MYO6: variants seen among roughly 807,000 people sequenced by gnomAD.
The protein encoded by MYO6 is myosin VI.
MYO6 carries 74 observed loss-of-function variants against 178.7 expected under a neutral mutation model. The observed-to-expected ratio is 0.41, with a 90% CI of 0.34 to 0.50. The LOEUF (loss-of-function observed/expected upper bound fraction) is 0.50, where lower values mean the gene tolerates loss of function less well. MYO6 is among the 20% of genes least tolerant of loss of function. The probability of loss-of-function intolerance (pLI) is 0.09; values close to 1 mark genes in which losing one functional copy is unlikely to be tolerated. For missense variants in MYO6, 1,330 were observed against 1,547.4 expected, an observed-to-expected ratio of 0.86 and a Z score of 2.36; for synonymous variants, 477 against 504.6, an observed-to-expected ratio of 0.95 and a Z score of 0.73.
rs1781125625 is a variant in MYO6, at chr6:75,916,490, A to G, written c.*1478A>G. ...TTGTGTCTGTGCTATTGAGAATGCA[A>G]ATGTGATTATCTTTTGAAGGCTGTA... On this transcript the variant is annotated 3_prime_UTR_variant, in exon 35 of 35. Transcript: ENST00000369977. 1 of 152,604 alleles carries G rather than the reference A, an allele frequency of 6.6e-6. No homozygotes were observed. The highest frequency in any genetic ancestry group is 6.6e-5 in the Admixed American group (1 of 15,266). The allele number at this position is 152,604 out of a possible 1,614,324, so 9.5% of individuals were successfully genotyped here.
chr6:75,796,106 T>C (rs1768787903), intron 1 of MYO6, among the ~76,000 whole-genome samples: 2 of 152,236 alleles, frequency 1.3e-5, no homozygotes, highest in African/African-American at 4.8e-5. Context: ...AATTATTTGC[T>C]ATTATCTGGT....
intron 1 of MYO6, among the ~76,000 whole-genome samples, chr6:75,816,969 T>G (rs987507240): frequency 1.2e-4 from 19 of 152,156 alleles, no homozygotes; most frequent in African/African-American, 4.3e-4. Context: ...GTAGAGCAGG[T>G]GTACCTGAGG....
intron 20 of MYO6, among the ~76,000 whole-genome samples, chr6:75,877,177 T>C (rs759638054): frequency 6.6e-6 from 1 of 152,106 alleles, no homozygotes; most frequent in Non-Finnish European, 1.5e-5. Context: ...GCTTTCTCCA[T>C]GTTGAGGCTG....
At chr6:75,840,396 C>G (rs1449870580) in intron 7 of MYO6, among the ~76,000 whole-genome samples, 189 bp from the exon 8 acceptor site, 1 of 151,950 alleles carries the variant, frequency 6.6e-6, no homozygotes, top group Non-Finnish European at 1.5e-5. Context: ...CTCCTGACCT[C>G]GTGATCCACC....
At chr6:75,901,015 C>T (rs1031262532) in intron 30 of MYO6, among the ~76,000 whole-genome samples, 5 of 151,532 alleles carry the variant, frequency 3.3e-5, no homozygotes, top group Admixed American at 1.3e-4. Context: ...GCTTGTTTTT[C>T]TCAGGTTTGT....
chr6:75,870,280 A>G (rs1392534771), intron 18 of MYO6, among the ~76,000 whole-genome samples: 2 of 152,220 alleles, frequency 1.3e-5, no homozygotes, highest in East Asian at 3.8e-4. Context: ...TGCCACATTC[A>G]AAGACTGTGC....
chr6:75,808,771 C>T (rs1770368874), intron 1 of MYO6, among the ~76,000 whole-genome samples: 2 of 152,148 alleles, frequency 1.3e-5, no homozygotes, highest in African/African-American at 2.4e-5. Context: ...GTGGTCAGGG[C>T]ACAACTTGGT....
chr6:75,849,793 T>C (rs902810998), intron 11 of MYO6, among the ~76,000 whole-genome samples: 14 of 152,094 alleles, frequency 9.2e-5, no homozygotes, highest in Admixed American at 9.2e-4. Context: ...TTGTGATGTG[T>C]TTTAGATTTT....
At chr6:75,753,455 G>GTGTGTGTGTGTGTATA (rs370647728) in intron 1 of MYO6, among the ~76,000 whole-genome samples, 2 of 140,040 alleles carry the variant, frequency 1.4e-5, no homozygotes, top group African/African-American at 5.4e-5. Flanking sequence ...GTGTGTGTGT[G>GTGTGTGTGTGTGTATA]TATATATATA....
chr6:75,783,556 C>CTTTTTTTT (rs199499336), intron 1 of MYO6, among the ~76,000 whole-genome samples: 1 of 127,734 alleles, frequency 7.8e-6, no homozygotes, highest in Non-Finnish European at 1.7e-5. Flanking sequence ...TTGATATCTT[C>CTTTTTTTT]TTTTTTTTTT....
At chr6:75,767,052 G>T (rs1778483582) in intron 1 of MYO6, among the ~76,000 whole-genome samples, 1 of 150,758 alleles carries the variant, frequency 6.6e-6, no homozygotes, top group Non-Finnish European at 1.5e-5. Flanking sequence ...TTGAGATGGA[G>T]TCTTGCTCTG....
rs770085660 is a variant in MYO6 at position 75,895,189 on chromosome 6, A to G, written c.3108-42A>G. The G allele has an allele frequency of 4.7e-6, 7 of 1,500,556 alleles. No individual in the cohort carries two copies. In the East Asian group the frequency reaches 1.1e-4, roughly 24 times the overall value. The allele number at this position is 1,500,556 out of a possible 1,614,324, so 93.0% of individuals were successfully genotyped here. On this transcript the variant is annotated intron_variant, in intron 28 of 34. Transcript: ENST00000369977. ...TGCACAATCCAGATTTTCACAGTTC[A>G]CAATTGGTTACGATATTAACTAAAA...
chr6:75,887,316 C>G (rs1234373563), intron 25 of MYO6, among the ~76,000 whole-genome samples: 1 of 152,168 alleles, frequency 6.6e-6, no homozygotes, highest in Non-Finnish European at 1.5e-5. Flanking sequence ...TGTAACAAAC[C>G]TGCACATCCT....
At chr6:75,893,320 G>A (rs371261110) in intron 28 of MYO6, among the ~76,000 whole-genome samples, 24 of 152,086 alleles carry the variant, frequency 1.6e-4, no homozygotes, top group African/African-American at 5.3e-4. Flanking sequence ...AATAGATTCA[G>A]TTTAAAAAAA....
chr6:75,911,755 C>T lies in MYO6; in HGVS notation c.3439+57C>T, dbSNP rs908978032. 5.3e-6 allele frequency: 8 copies of T among 1,503,268 alleles called. No homozygotes were observed. In the African/African-American group the frequency reaches 8.3e-5, roughly 16 times the overall value. 93.1% of individuals were successfully genotyped at this position (1,503,268 alleles called of 1,614,324 possible). On this transcript the variant is annotated intron_variant, in intron 33 of 34. Transcript: ENST00000369977. ...CTGGAAGATGGGTTAAAATACTTTACAAAGTACTAACTTCTATTAAAAGTT... is the reference window on the plus strand; with the variant it reads ...CTGGAAGATGGGTTAAAATACTTTATAAAGTACTAACTTCTATTAAAAGTT...
chr6:75,814,864 C>CAA (rs113864154), intron 1 of MYO6, among the ~76,000 whole-genome samples: 11 of 102,964 alleles, frequency 1.1e-4, no homozygotes, highest in East Asian at 2.6e-4. Context: ...GACCCAGTCT[C>CAA]AAAAAAAAAA....
At chr6:75,792,088 G>GT (rs1768311174) in intron 1 of MYO6, among the ~76,000 whole-genome samples, 1 of 152,060 alleles carries the variant, frequency 6.6e-6, no homozygotes, top group Non-Finnish European at 1.5e-5. Context: ...TTTCCTGCCT[G>GT]TTTTTGTTTT....
intron 20 of MYO6, among the ~76,000 whole-genome samples, chr6:75,876,438 T>C (rs935193158): frequency 6.6e-6 from 1 of 152,222 alleles, no homozygotes; most frequent in Non-Finnish European, 1.5e-5. Context: ...TGACTAATGC[T>C]AACAAATACT....
chr6:75,800,169 C>A (rs1769301584), intron 1 of MYO6, among the ~76,000 whole-genome samples: 1 of 152,142 alleles, frequency 6.6e-6, no homozygotes, highest in African/African-American at 2.4e-5. Flanking sequence ...CCAGACTCTA[C>A]TCTCCCCAAA....
Sources: allele counts gnomAD v4.1 joint callset (sites outside exome capture counted in the v4.1 genomes callset), GRCh38; gene constraint gnomAD v4.1.1; transcripts MANE v1.5; gene names NCBI Gene and HGNC (gene_info 2026-07-23, HGNC 2026-07-21).